Variants in CTBP2 observed in about 807,000 individuals in gnomAD.
CTBP2 encodes C-terminal-binding protein 2.
Under a neutral mutation model 80.3 loss-of-function variants are expected in CTBP2, and 30 were observed. That is an observed-to-expected ratio of 0.37 (90% CI 0.28 to 0.51). CTBP2 has a LOEUF of 0.51. Among genes scored for constraint, CTBP2 ranks in the 20% least tolerant of loss-of-function variants. The pLI, the probability that CTBP2 is intolerant of heterozygous loss-of-function variation, is 0.93. For missense variants in CTBP2, 1,212 were observed against 1,375.3 expected (o/e 0.88, Z 1.88); for synonymous variants, 594 against 587.4 (o/e 1.01, Z -0.16).
chr10:125,066,837 C>T lies in CTBP2; in HGVS notation c.-101-27682G>A, dbSNP rs1307369186. Among the ~76,000 whole-genome samples, 1 of 152,132 alleles carries T rather than the reference C, an allele frequency of 6.6e-6. No individual in the cohort carries two copies. The highest frequency in any genetic ancestry group is 6.5e-5 in the Admixed American group (1 of 15,278). ...ATCAGTAAATGCCTCAGGGTGAACT[C>T]GAGAATCCAGAAGTCTCCAGGGAAG... On this transcript the variant is annotated intron_variant, in intron 2 of 10. Transcript: ENST00000337195. The surrounding 1 kb of genome is among the most constrained non-coding windows in gnomAD (Gnocchi z 4.1).
In CTBP2 at chr10:125,141,010, T is replaced by C. The variant is rs187377318; in HGVS notation, c.-206+19309A>G. On this transcript the variant is annotated intron_variant, in intron 1 of 10. Coordinates refer to the CTBP2 transcript ENST00000337195. ...CAAAAATTAGCCAGGCCTGACAGAC[T>C]GGCTGTAATCCCGGCTACTCGGGAG... Among the ~76,000 whole-genome samples the C allele has an allele frequency of 5.5e-3, 837 of 151,362 alleles. 7 individuals are homozygous for C. The highest frequency in any genetic ancestry group is 0.019 in the African/African-American group (789 of 41,196).
At chr10:125,062,094 G>C (rs1303484533) in intron 2 of CTBP2, among the ~76,000 whole-genome samples, 29 of 152,108 alleles carry the variant, frequency 1.9e-4, no homozygotes. Flanking sequence ...TAAACCGAGA[G>C]GGCCCTTAGC....
chr10:125,009,880 A>G (rs1955670331), intron 1 of CTBP2, among the ~76,000 whole-genome samples: 1 of 152,184 alleles, frequency 6.6e-6, no homozygotes, highest in South Asian at 2.1e-4. Flanking sequence ...TCAAGGTAAG[A>G]GATGTCTCCC....
At chr10:125,010,131 G>C (rs1005350415) in intron 1 of CTBP2, among the ~76,000 whole-genome samples, 2 of 151,366 alleles carry the variant, frequency 1.3e-5, no homozygotes, top group Non-Finnish European at 1.5e-5. Flanking sequence ...CAGGAGCAGG[G>C]TGCTGATGAG....
At position 124,985,292 on chromosome 10, in the gene CTBP2, ATTGT is replaced by A. The variant is rs1321108771; in HGVS notation, c.*4222_*4225del. On this transcript the variant is annotated 3_prime_UTR_variant, in exon 9 of 9. Coordinates refer to ENST00000309035, the MANE Select transcript of CTBP2 (RefSeq NM_022802.3). ...TGTAACGCATGTGGTTGTGTAAGAC[ATTGT>A]TTAATAGGAAAAGTTGTACCAGCAT... 2.4e-5 allele frequency: 6 copies of A among 250,012 alleles called. No homozygotes were observed. The highest frequency in any genetic ancestry group is 7.5e-5 in the East Asian group (1 of 13,366). The allele number at this position is 250,012 out of a possible 1,614,324, so 15.5% of individuals were successfully genotyped here. A position where few individuals can be genotyped will look rare whatever the true frequency, so the allele number is the denominator to read the frequency against.
At chr10:125,001,942 C>A (rs542040358) in intron 3 of CTBP2, among the ~76,000 whole-genome samples, 1 of 151,156 alleles carries the variant, frequency 6.6e-6, no homozygotes, top group East Asian at 2.0e-4. Flanking sequence ...GAGCAGGATT[C>A]TCAGATGTAT....
At chr10:125,017,475 G>A (rs749060968) in intron 1 of CTBP2, among the ~76,000 whole-genome samples, 5 of 152,112 alleles carry the variant, frequency 3.3e-5, no homozygotes, top group African/African-American at 9.7e-5. Context: ...AGGATTGCAC[G>A]GGATGCTGTG....
chr10:125,122,888 G>A (rs968975672), intron 1 of CTBP2: 4 of 152,134 alleles, frequency 2.6e-5, no homozygotes, highest in Non-Finnish European at 5.9e-5. Flanking sequence ...AAATCTTCCA[G>A]TCAATACACA....
At chr10:125,073,194 A>G (rs1289720748) in intron 2 of CTBP2, among the ~76,000 whole-genome samples, 1 of 152,244 alleles carries the variant, frequency 6.6e-6, no homozygotes, top group Non-Finnish European at 1.5e-5. Context: ...GATGATGTCC[A>G]CTTAGAAGCT....
At chr10:125,151,752 C>T (rs972384039) in intron 1 of CTBP2, among the ~76,000 whole-genome samples, 1 of 152,158 alleles carries the variant, frequency 6.6e-6, no homozygotes, top group African/African-American at 2.4e-5. Flanking sequence ...CCTGGTGTCC[C>T]GCGTGGTCTC....
chr10:125,027,022 T>C lies in CTBP2; in HGVS notation c.738A>G (p.Thr246=). ...GATTCAGGGCCCCTGGGGCCACCCC[T>C]GTGCTGCCTTCGGGGGCAGCAGCTG... The change falls in exon 1 of 9, where the codon ACA becomes ACG. Residue 246 remains threonine (T), a synonymous_variant. Transcript: ENST00000309035. The C allele has an allele frequency of 6.2e-7, 1 of 1,613,894 alleles. No individual in the cohort carries two copies. Among genetic ancestry groups the C allele is most frequent in the South Asian group, 1.1e-5 (1 of 91,082 alleles).
At chr10:125,160,274 G>GCGGGGA (rs1861727347) in intron 1 of CTBP2, 45 bp downstream of exon 1, 1 of 152,336 alleles carries the variant, frequency 6.6e-6, no homozygotes, top group Non-Finnish European at 1.5e-5. Context: ...CGCAGGTGAG[G>GCGGGGA]CGGGGGCGGC....
chr10:125,088,767 C>A (rs1371177108), intron 2 of CTBP2, among the ~76,000 whole-genome samples: 1 of 152,186 alleles, frequency 6.6e-6, no homozygotes, highest in Non-Finnish European at 1.5e-5. Context: ...GGGCGAAGAT[C>A]ACACCCTTCA....
At position 125,026,837 on chromosome 10, in the gene CTBP2, C is replaced by T; in HGVS notation, c.923G>A (p.Gly308Glu). 2 of 1,613,584 alleles carry T rather than the reference C, an allele frequency of 1.2e-6. No individual in the cohort carries two copies. Among genetic ancestry groups the T allele is most frequent in the Non-Finnish European group, 1.7e-6 (2 of 1,179,988 alleles). Residue 308 changes from glycine (G) to glutamate (E), a missense_variant, in exon 1 of 9, where the codon GGA (glycine) becomes GAA (glutamate). Gly to Glu is a moderately conservative substitution (Grantham distance 98). This residue lies in a region of CTBP2 where 848 missense variants were observed against 782.3 expected (regional missense o/e 1.08). Coordinates refer to ENST00000309035, the MANE Select transcript of CTBP2 (RefSeq NM_022802.3). ...GTCAAAGCCCTGCTGCAGTAGGGCT[C>T]CCAGCGTGGCCTCTGCCAGCCCCTC...
At chr10:124,995,286 C>A (rs574857952) in intron 4 of CTBP2, among the ~76,000 whole-genome samples, 1 of 152,308 alleles carries the variant, frequency 6.6e-6, no homozygotes, top group African/African-American at 2.4e-5. Context: ...GGTGGGGCCT[C>A]GCGCCCATCT....
chr10:125,026,284 CT>C lies in CTBP2; in HGVS notation c.1475del (p.Lys492ArgfsTer75). 6.2e-7 allele frequency: 1 copy of C among 1,613,936 alleles called. No individual in the cohort carries two copies. The highest frequency in any genetic ancestry group is 8.5e-7 in the Non-Finnish European group (1 of 1,179,952). On this transcript the variant is annotated frameshift_variant, in exon 1 of 9. Transcript: ENST00000309035. LOFTEE classifies it high-confidence loss of function. ...GAGAGGCGGCCACGTTGCGCTCCCT[CT>C]TTAGCAGCTCCATGGGCACCGTGTA...
At chr10:125,061,687 G>A (rs917524022) in intron 2 of CTBP2, among the ~76,000 whole-genome samples, 4 of 152,298 alleles carry the variant, frequency 2.6e-5, no homozygotes, top group East Asian at 1.9e-4. Context: ...CAGGCCAGAC[G>A]GAGCCCCCGT....
At chr10:125,085,913 G>A (rs866829019) in intron 2 of CTBP2, among the ~76,000 whole-genome samples, 2 of 152,182 alleles carry the variant, frequency 1.3e-5, no homozygotes, top group African/African-American at 2.4e-5. Context: ...GTCAAGATCC[G>A]GGTCTGCCCT....
intron 2 of CTBP2, among the ~76,000 whole-genome samples, chr10:125,059,673 ACT>A (rs1219280235): frequency 6.6e-6 from 1 of 151,988 alleles, no homozygotes; most frequent in Non-Finnish European, 1.5e-5. Context: ...AGATTTTCAC[ACT>A]GTTTTTTGAC....
Sources: allele counts gnomAD v4.1 joint callset (sites outside exome capture counted in the v4.1 genomes callset), GRCh38; gene constraint gnomAD v4.1.1; regional missense constraint gnomAD v4.1.1; non-coding constraint Gnocchi (gnomAD v3.1); transcripts MANE v1.5; gene names NCBI Gene and HGNC (gene_info 2026-07-23, HGNC 2026-07-21).